RBM25: variants seen among roughly 807,000 people sequenced by gnomAD.
RBM25 encodes RNA binding motif protein 25.
A neutral mutation model predicts 120.7 loss-of-function variants in RBM25; 19 were observed. The observed-to-expected ratio is 0.16, with a 90% CI of 0.11 to 0.23. The LOEUF (loss-of-function observed/expected upper bound fraction) is 0.23, where lower values mean the gene tolerates loss of function less well. Among genes scored for constraint, RBM25 ranks in the 10% least tolerant of loss-of-function variants. RBM25 has a pLI of 1.00. For missense variants in RBM25, 605 were observed against 1,041.5 expected (o/e 0.58, Z 5.77); for synonymous variants, 390 against 326.7 (o/e 1.19, Z -2.09).
chr14:73,097,440 C>T (rs930115715), intron 7 of RBM25, among the ~76,000 whole-genome samples: 2 of 151,884 alleles, frequency 1.3e-5, no homozygotes, highest in African/African-American at 2.4e-5. Context: ...ACCTCGTGGT[C>T]GACCCGCCTC....
At position 73,105,946 on chromosome 14, in the gene RBM25, G is replaced by A. The variant is rs1896178165; in HGVS notation, c.1242G>A (p.Glu414=). The A allele has an allele frequency of 1.2e-6, 2 of 1,613,044 alleles. No individual in the cohort carries two copies. Among genetic ancestry groups the A allele is most frequent in the East Asian group, 2.2e-5 (1 of 44,848 alleles). The stretch of plus-strand genomic sequence containing the variant: ...AGCGAGAACGAGAACGGGAGCGAGA[G>A]AGAGAGCGAGAGAGGGAACGGGAGC... ...ERERERERER[E]RERERERERE... is the part of the protein sequence containing the mutation. Residue 414 remains glutamate (E), a synonymous_variant, in exon 11 of 19, where the codon GAG becomes GAA. Transcript: ENST00000261973.
chr14:73,070,763 A>G (rs1895267897), intron 1 of RBM25, among the ~76,000 whole-genome samples: 1 of 152,108 alleles, frequency 6.6e-6, no homozygotes, highest in South Asian at 2.1e-4. Flanking sequence ...CTTGGCCAAC[A>G]TGGTGAAACC....
intron 1 of RBM25, among the ~76,000 whole-genome samples, chr14:73,066,464 C>T (rs1259310148): frequency 6.6e-6 from 1 of 152,062 alleles, no homozygotes; most frequent in Non-Finnish European, 1.5e-5. Context: ...TGGTGAAACC[C>T]CGTCTCTACT....
At position 73,061,528 on chromosome 14, in the gene RBM25, G is replaced by A. The variant is rs546440512; in HGVS notation, c.-16+2823G>A. Reference sequence around the variant, plus strand: ...CCTGTTCCACCCCAGTTTCAGGCAAGCCCTCATTTTTCTGTATAGATAGTA... The same window carrying A: ...CCTGTTCCACCCCAGTTTCAGGCAAACCCTCATTTTTCTGTATAGATAGTA... On this transcript the variant is annotated intron_variant, in intron 1 of 18. Transcript: ENST00000261973. Among the ~76,000 whole-genome samples the A allele has an allele frequency of 2.6e-5, 4 of 151,090 alleles. No individual in the cohort carries two copies. In the East Asian group the frequency reaches 7.7e-4, roughly 29 times the overall value.
At position 73,064,277 on chromosome 14, in the gene RBM25, G is replaced by A. The variant is rs1419201373; in HGVS notation, c.-16+5572G>A. Among the ~76,000 whole-genome samples, 8 of 151,610 alleles carry A rather than the reference G, an allele frequency of 5.3e-5. No individual in the cohort carries two copies. The East Asian group carries it at 1.3e-3, about 26-fold the overall frequency. Reference sequence around the variant, plus strand: ...GTTAATTCTCAATCAGTTTCACATGGCAAAACACATAAACCTGTGTTGAAA... The same window carrying A: ...GTTAATTCTCAATCAGTTTCACATGACAAAACACATAAACCTGTGTTGAAA... On this transcript the variant is annotated intron_variant, in intron 1 of 18. Transcript: ENST00000261973.
chr14:73,108,670 A>G (rs891511832), intron 13 of RBM25, among the ~76,000 whole-genome samples: 1 of 152,248 alleles, frequency 6.6e-6, no homozygotes, highest in African/African-American at 2.4e-5. Context: ...CTGACATGAT[A>G]CAATCATAGT....
chr14:73,086,192 A>G (rs1338666554), intron 5 of RBM25, among the ~76,000 whole-genome samples: 1 of 151,962 alleles, frequency 6.6e-6, no homozygotes. Flanking sequence ...TCGAGCTTGT[A>G]ATCCCAGCAC....
chr14:73,103,978 ACACACACACACACACACT>A (rs1354719369), intron 10 of RBM25, among the ~76,000 whole-genome samples: 37 of 143,570 alleles, frequency 2.6e-4, no homozygotes, highest in African/African-American at 8.1e-4. Flanking sequence ...ACACACACAC[ACACACACACACACACACT>A]CTCTCTCTCT....
At chr14:73,070,540 TC>T (rs1307876734) in intron 1 of RBM25, among the ~76,000 whole-genome samples, 1 of 152,144 alleles carries the variant, frequency 6.6e-6, no homozygotes, top group Non-Finnish European at 1.5e-5. Context: ...GGAGTTTATT[TC>T]CCCCTGCTGA....
chr14:73,084,865 A>T (rs568310820), intron 5 of RBM25, among the ~76,000 whole-genome samples: 22 of 148,044 alleles, frequency 1.5e-4, no homozygotes, highest in Admixed American at 1.2e-3. Context: ...TTTTTTTTTT[A>T]ATGTTTTTAT....
rs928580627 is a variant in RBM25, at chr14:73,122,710, C to T, written c.*2905C>T. On this transcript the variant is annotated 3_prime_UTR_variant, in exon 19 of 19. Transcript: ENST00000261973. ...GAAAGGTAAGTTTGAAGTTGTTTTT[C>T]TTAAACTTTAATGTGACCCCAAATC... 4 of 152,188 alleles carry T rather than the reference C, an allele frequency of 2.6e-5. No individual in the cohort carries two copies. Among genetic ancestry groups the T allele is most frequent in the African/African-American group, 9.7e-5 (4 of 41,448 alleles). The allele number at this position is 152,188 out of a possible 1,614,324, so 9.4% of individuals were successfully genotyped here.
intron 6 of RBM25, among the ~76,000 whole-genome samples, chr14:73,091,374 T>A (rs1310586944): frequency 2.0e-5 from 3 of 152,078 alleles, no homozygotes; most frequent in African/African-American, 7.2e-5. Flanking sequence ...ACCACCATAC[T>A]GGCTAAGTTT....
At chr14:73,069,851 A>G (rs1241768082) in intron 1 of RBM25, 2 of 126,626 alleles carry the variant, frequency 1.6e-5, no homozygotes, top group Admixed American at 8.4e-5. Flanking sequence ...TTTTTGAGAC[A>G]GGGTCTTTCT....
At chr14:73,101,763 ATTTCT>A (rs1315764625) in intron 9 of RBM25, 1 of 152,246 alleles carries the variant, frequency 6.6e-6, no homozygotes, top group Admixed American at 6.5e-5. Context: ...AAATAAACAA[ATTTCT>A]TTATAAGTGT....
chr14:73,110,487 C>T (rs1342145341), intron 14 of RBM25, among the ~76,000 whole-genome samples: 1 of 150,030 alleles, frequency 6.7e-6, no homozygotes, highest in African/African-American at 2.5e-5. Context: ...GGCTGTAGTG[C>T]GATTCTGCAA....
chr14:73,120,923 T>A lies in RBM25; in HGVS notation c.*1118T>A, dbSNP rs892730192. On this transcript the variant is annotated 3_prime_UTR_variant, in exon 19 of 19. Transcript: ENST00000261973. ...GTTACCAACCACTAACTATTTGTTT[T>A]CATTTTTGTCTTGTAGAAGGTTTAT... The A allele has an allele frequency of 6.6e-6, 1 of 152,202 alleles. No individual in the cohort carries two copies. The highest frequency in any genetic ancestry group is 1.5e-5 in the Non-Finnish European group (1 of 68,020). The allele number at this position is 152,202 out of a possible 1,614,324, so 9.4% of individuals were successfully genotyped here. A position where few individuals can be genotyped will look rare whatever the true frequency, so the allele number is the denominator to read the frequency against.
At chr14:73,066,154 GCC>G (rs1440148560) in intron 1 of RBM25, among the ~76,000 whole-genome samples, 2 of 152,106 alleles carry the variant, frequency 1.3e-5, no homozygotes, top group Non-Finnish European at 2.9e-5. Flanking sequence ...TAGGACAGTA[GCC>G]CTTTCTGTTT....
intron 3 of RBM25, among the ~76,000 whole-genome samples, chr14:73,076,617 T>A (rs1229657433): frequency 6.6e-6 from 1 of 152,198 alleles, no homozygotes; most frequent in East Asian, 1.9e-4. Context: ...CTATCTAGAC[T>A]CTTCATATAC....
At chr14:73,111,854 C>T in intron 16 of RBM25, 52 bp downstream of exon 16, 1 of 1,492,226 alleles carries the variant, frequency 6.7e-7, no homozygotes. Flanking sequence ...TGGAATATGC[C>T]ATACAAATTC....
Sources: gnomAD v4.1 joint callset for allele counts (sites outside exome capture counted in the v4.1 genomes callset) on GRCh38, gnomAD v4.1.1 for gene constraint, MANE v1.5 for transcripts, NCBI Gene and HGNC (gene_info 2026-07-23, HGNC 2026-07-21) for gene names.